The following PSMB7 variants were observed in gnomAD, a reference collection of about 807,000 sequenced individuals.
The protein encoded by PSMB7 is proteasome subunit beta type-7.
A neutral mutation model predicts 28.1 loss-of-function variants in PSMB7; 5 were observed. That is an observed-to-expected ratio of 0.18 (90% CI 0.09 to 0.37). The LOEUF is 0.37. Among genes scored for constraint, PSMB7 ranks in the 10% least tolerant of loss-of-function variants. The probability of loss-of-function intolerance (pLI) is 1.00; values close to 1 mark genes in which losing one functional copy is unlikely to be tolerated. For synonymous variants in PSMB7, 122 were observed against 123.7 expected, an observed-to-expected ratio of 0.99 and a Z score of 0.09; for missense variants, 275 against 346.2, an observed-to-expected ratio of 0.79 and a Z score of 1.63.
chr9:124,399,311 C>T (rs1333582143), intron 5 of PSMB7, among the ~76,000 whole-genome samples: 1 of 152,146 alleles, frequency 6.6e-6, no homozygotes, highest in Non-Finnish European at 1.5e-5. Flanking sequence ...TAGAATTGTG[C>T]AGGGGCAGGA....
chr9:124,373,654 T>C (rs899970292), intron 6 of PSMB7, among the ~76,000 whole-genome samples: 1 of 151,996 alleles, frequency 6.6e-6, no homozygotes, highest in African/African-American at 2.4e-5. Context: ...AAAAAATCCA[T>C]CAAAACCACA....
At chr9:124,410,103 G>T (rs949780727) in intron 4 of PSMB7, among the ~76,000 whole-genome samples, 1 of 147,712 alleles carries the variant, frequency 6.8e-6, no homozygotes. Context: ...TCCACCTCCC[G>T]GGTTCATGCC....
intron 5 of PSMB7, among the ~76,000 whole-genome samples, chr9:124,401,527 T>C (rs1830906767): frequency 1.3e-5 from 2 of 152,244 alleles, no homozygotes; most frequent in African/African-American, 2.4e-5. Context: ...CAATCCTCCT[T>C]CTAAGACTCG....
chr9:124,355,668 A>C (rs950961242), intron 7 of PSMB7, among the ~76,000 whole-genome samples: 3 of 152,142 alleles, frequency 2.0e-5, no homozygotes, highest in Admixed American at 2.0e-4. Flanking sequence ...TAAAGGCCCG[A>C]GGGACTTCGT....
intron 6 of PSMB7, among the ~76,000 whole-genome samples, chr9:124,367,730 ACCCC>A (rs1181245908): frequency 6.6e-6 from 1 of 151,746 alleles, no homozygotes. Flanking sequence ...AGGACCTAAA[ACCCC>A]CAAGCACCAG....
chr9:124,382,694 A>G (rs1830680552), intron 6 of PSMB7, among the ~76,000 whole-genome samples: 1 of 152,222 alleles, frequency 6.6e-6, no homozygotes, highest in Non-Finnish European at 1.5e-5. Context: ...GACACAACTG[A>G]TCTAAGAAAC....
rs375297630 is a variant in PSMB7 at position 124,356,863 on chromosome 9, T to C, written c.623A>G (p.Asn208Ser). ...AATGTTGCTTCCGGAGCCCAGGTCG[T>C]TGAAGATGCCAGCTGCGATGGCTTC... ...VSEAIAAGIFNDLGSGSNIDL... is the reference protein window; with the variant it reads ...VSEAIAAGIFSDLGSGSNIDL... The change falls in exon 7 of 8, where the codon AAC becomes AGC. Residue 208 changes from asparagine (N) to serine (S), a missense_variant. By Grantham distance (46) the Asn-to-Ser change is conservative. Coordinates refer to ENST00000259457, the MANE Select transcript of PSMB7 (RefSeq NM_002799.4). The surrounding 1 kb of genome is among the most constrained non-coding windows in gnomAD (Gnocchi z 4.4). 8.1e-5 allele frequency: 130 copies of C among 1,614,206 alleles called. 1 individual carries two copies. The highest frequency in any genetic ancestry group is 1.1e-4 in the Non-Finnish European group (124 of 1,180,032).
chr9:124,367,795 C>T (rs553618489), intron 6 of PSMB7, among the ~76,000 whole-genome samples: 27 of 152,250 alleles, frequency 1.8e-4, no homozygotes, highest in African/African-American at 5.5e-4. Flanking sequence ...TGCTGGGCCA[C>T]GGTGCCTGCA....
At chr9:124,371,306 T>A (rs1801388991) in intron 6 of PSMB7, among the ~76,000 whole-genome samples, 1 of 152,242 alleles carries the variant, frequency 6.6e-6, no homozygotes, top group Non-Finnish European at 1.5e-5. Flanking sequence ...GGTCCTATAT[T>A]TCATTTCTTG....
At position 124,356,714 on chromosome 9, in the gene PSMB7, G is replaced by A; in HGVS notation, c.722+50C>T. 3 of 1,581,026 alleles carry A rather than the reference G, an allele frequency of 1.9e-6. No homozygotes were observed. Among genetic ancestry groups the A allele is most frequent in the Non-Finnish European group, 2.6e-6 (3 of 1,157,162 alleles). ...TCCAGATGCCATGGAGATACCAAGG[G>A]TGGCCACGACGCCAGGGGACCCAGG... On this transcript the variant is annotated intron_variant, in intron 7 of 7. Coordinates refer to ENST00000259457, the MANE Select transcript of PSMB7 (RefSeq NM_002799.4). This position sits in a 1 kb window ranked among gnomAD's most constrained non-coding sequence, Gnocchi z 4.4.
chr9:124,391,007 T>TA (rs1293091722), intron 5 of PSMB7, among the ~76,000 whole-genome samples: 1 of 152,240 alleles, frequency 6.6e-6, no homozygotes, highest in African/African-American at 2.4e-5. Context: ...AGGACCGTCT[T>TA]AGAGGTACAA....
intron 5 of PSMB7, among the ~76,000 whole-genome samples, chr9:124,397,189 A>T (rs1830851371): frequency 6.6e-6 from 1 of 152,210 alleles, no homozygotes; most frequent in South Asian, 2.1e-4. Context: ...CATCTTTAAG[A>T]CAGGGATGAT....
intron 4 of PSMB7, 55 bp downstream of exon 4, chr9:124,412,297 A>C (rs1831035946): frequency 6.5e-7 from 1 of 1,537,834 alleles, no homozygotes; most frequent in Non-Finnish European, 8.9e-7. Context: ...TGGCTGAAAA[A>C]AATCTAAGAT....
At chr9:124,388,523 T>C (rs1014670734) in intron 5 of PSMB7, among the ~76,000 whole-genome samples, 2 of 152,240 alleles carry the variant, frequency 1.3e-5, no homozygotes, top group African/African-American at 4.8e-5. Flanking sequence ...CCCACTAATG[T>C]GAGAAAGCTC....
intron 5 of PSMB7, among the ~76,000 whole-genome samples, chr9:124,401,499 CAAAT>C (rs757136369): frequency 2.0e-5 from 3 of 152,246 alleles, no homozygotes; most frequent in Non-Finnish European, 4.4e-5. Flanking sequence ...ACACATCAGA[CAAAT>C]GAATGAAGAG....
At chr9:124,404,784 C>G (rs1001583597) in intron 5 of PSMB7, among the ~76,000 whole-genome samples, 3 of 152,008 alleles carry the variant, frequency 2.0e-5, no homozygotes, top group Non-Finnish European at 2.9e-5. Context: ...ACCCGGGAGA[C>G]AGAGGTTGCA....
At chr9:124,409,819 A>T (rs2131180889) in intron 4 of PSMB7, among the ~76,000 whole-genome samples, 1 of 152,318 alleles carries the variant, frequency 6.6e-6, no homozygotes, top group South Asian at 2.1e-4. Flanking sequence ...AAAGTTCTAA[A>T]ATCAAATCCT....
chr9:124,386,957 T>C (rs1417334108), intron 5 of PSMB7, among the ~76,000 whole-genome samples: 1 of 152,148 alleles, frequency 6.6e-6, no homozygotes, highest in African/African-American at 2.4e-5. Context: ...CTTTAAAACC[T>C]TTTTCCTGGC....
intron 4 of PSMB7, among the ~76,000 whole-genome samples, chr9:124,408,853 T>TA (rs903203664): frequency 1.3e-5 from 2 of 152,236 alleles, no homozygotes; most frequent in African/African-American, 2.4e-5. Context: ...TCCAGGTTTC[T>TA]AGTGTCTACG....
Sources: gnomAD v4.1 joint callset for allele counts (sites outside exome capture counted in the v4.1 genomes callset) on GRCh38, gnomAD v4.1.1 for gene constraint, Gnocchi (gnomAD v3.1) non-coding constraint, MANE v1.5 for transcripts, NCBI Gene and HGNC (gene_info 2026-07-23, HGNC 2026-07-21) for gene names.